Variants in NUDT13 observed in about 807,000 individuals in gnomAD.
NUDT13 encodes the protein nudix hydrolase 13, also known as NAD(P)H pyrophosphatase NUDT13, mitochondrial.
NUDT13 carries 40 observed loss-of-function variants against 41.7 expected under a neutral mutation model. The ratio of observed to expected loss-of-function variants is 0.96; its 90% confidence interval spans 0.75 to 1.25. NUDT13 has a LOEUF of 1.25. Ranked by LOEUF, NUDT13 falls within the 50% of genes most tolerant of loss-of-function variation. The pLI is 0.00. For missense variants in NUDT13, 390 were observed against 416.1 expected (o/e 0.94, Z 0.55); for synonymous variants, 145 against 155.5 (o/e 0.93, Z 0.50).
At chr10:73,116,842 T>TAGA (rs1184472439) in intron 2 of NUDT13, among the ~76,000 whole-genome samples, 1 of 151,698 alleles carries the variant, frequency 6.6e-6, no homozygotes, top group Non-Finnish European at 1.5e-5. Flanking sequence ...GTTGGACATT[T>TAGA]AGATTGCGTG....
chr10:73,126,512 G>T, intron 7 of NUDT13, 161 bp from the exon 8 acceptor site: 1 of 713,180 alleles, frequency 1.4e-6, no homozygotes. Flanking sequence ...ACACAGCTCT[G>T]GACCTGATTC....
At chr10:73,120,180 G>A (rs753964581) in intron 3 of NUDT13, 23 bp downstream of exon 3, 1 of 1,608,798 alleles carries the variant, frequency 6.2e-7, no homozygotes, top group Non-Finnish European at 8.5e-7. Flanking sequence ...TGGACCAGTG[G>A]CGTTGACCAG....
rs1472007980 is a variant in NUDT13 at position 73,125,492 on chromosome 10, C to A, written c.686C>A (p.Ala229Glu). 2.5e-6 allele frequency: 4 copies of A among 1,600,630 alleles called. No homozygotes were observed. Among genetic ancestry groups the A allele is most frequent in the Non-Finnish European group, 3.4e-6 (4 of 1,173,794 alleles). Residue 229 changes from alanine to glutamate, a missense_variant, in exon 7 of 9, where the codon GCA (alanine) becomes GAA (glutamate). Ala to Glu is a moderately radical substitution (Grantham distance 107, BLOSUM62 -1). Transcript: ENST00000357321. ...CCCAAGGGAATGTATTCTGCCTTGG[C>A]AGGTTTTTGTGATATAGGTGAGGAG... Reference protein sequence around the residue: ...SFPKGMYSALAGFCDIGESVE... With the variant: ...SFPKGMYSALEGFCDIGESVE...
chr10:73,115,247 G>A (rs1283267237), intron 2 of NUDT13: 2 of 152,226 alleles, frequency 1.3e-5, no homozygotes, highest in Non-Finnish European at 2.9e-5. Flanking sequence ...TACAATCTTG[G>A]CTCACTGAAG....
Position 73,125,032 on chromosome 10 carries a change from G to A in NUDT13, c.466-86G>A, listed in dbSNP as rs1842735851. ...TAAAGAGATTGGCATTTTTCTGTGA[G>A]TTGTTCCAGACACTAGGCCCAGTGC... is the stretch of plus-strand genomic sequence containing the variant. On this transcript the variant is annotated intron_variant, in intron 5 of 8. Coordinates refer to ENST00000357321, the MANE Select transcript of NUDT13 (RefSeq NM_015901.6). 4.2e-6 allele frequency: 6 copies of A among 1,438,974 alleles called. No individual in the cohort carries two copies. In the South Asian group the frequency reaches 7.8e-5, roughly 19 times the overall value. 89.1% of individuals were successfully genotyped at this position (1,438,974 alleles called of 1,614,324 possible). A position where few individuals can be genotyped will look rare whatever the true frequency, so the allele number is the denominator to read the frequency against.
At position 73,126,665 on chromosome 10, in the gene NUDT13, G is replaced by C. The variant is rs1370207000; in HGVS notation, c.704-8G>C. ...AGGGCTGTCCTGAATTAATCTGAGT[G>C]CTTGTAGGTGAAAGTGTGGAAGAGA... On this transcript the variant is annotated splice_region_variant and splice_polypyrimidine_tract_variant and intron_variant, in intron 7 of 8. Transcript: ENST00000357321. The C allele has an allele frequency of 6.2e-7, 1 of 1,613,842 alleles. No homozygotes were observed. Among genetic ancestry groups the C allele is most frequent in the Non-Finnish European group, 8.5e-7 (1 of 1,179,944 alleles).
At chr10:73,125,877 G>A (rs1842762928) in intron 7 of NUDT13, among the ~76,000 whole-genome samples, 1 of 151,708 alleles carries the variant, frequency 6.6e-6, no homozygotes, top group Admixed American at 6.6e-5. Context: ...GTAGAGACAG[G>A]GTCTCGCCGT....
intron 8 of NUDT13, among the ~76,000 whole-genome samples, chr10:73,127,571 C>T (rs776345261): frequency 3.3e-5 from 5 of 151,086 alleles, no homozygotes; most frequent in Non-Finnish European, 5.9e-5. Context: ...GGCGCGATCT[C>T]GGCTCACTGC....
chr10:73,126,664 T>C lies in NUDT13; in HGVS notation c.704-9T>C, dbSNP rs1842789880. On this transcript the variant is annotated splice_polypyrimidine_tract_variant and intron_variant, in intron 7 of 8. Coordinates refer to ENST00000357321, the MANE Select transcript of NUDT13 (RefSeq NM_015901.6). Reference sequence around the variant, plus strand: ...CAGGGCTGTCCTGAATTAATCTGAGTGCTTGTAGGTGAAAGTGTGGAAGAG... The same window carrying C: ...CAGGGCTGTCCTGAATTAATCTGAGCGCTTGTAGGTGAAAGTGTGGAAGAG... 6.2e-6 allele frequency: 10 copies of C among 1,613,540 alleles called. No homozygotes were observed. Among genetic ancestry groups the C allele is most frequent in the African/African-American group, 1.3e-5 (1 of 74,850 alleles).
At chr10:73,124,874 T>C in intron 5 of NUDT13, 1 of 412,242 alleles carries the variant, frequency 2.4e-6, no homozygotes, top group Non-Finnish European at 4.3e-6. Flanking sequence ...CCTCATATAC[T>C]TCATATGTTT....
At chr10:73,121,027 C>A (rs911834159) in intron 3 of NUDT13, among the ~76,000 whole-genome samples, 9 of 151,958 alleles carry the variant, frequency 5.9e-5, no homozygotes, top group Non-Finnish European at 1.5e-5. Context: ...CTTTTAGAAC[C>A]CTTTTAGCAT....
At chr10:73,112,420 C>CT (rs11301375) in intron 1 of NUDT13, among the ~76,000 whole-genome samples, 20 of 151,300 alleles carry the variant, frequency 1.3e-4, no homozygotes, top group East Asian at 9.7e-4. Flanking sequence ...TGTCTGTGTC[C>CT]TTTTTTTTAT....
intron 5 of NUDT13, chr10:73,124,539 C>T: frequency 2.0e-6 from 1 of 506,904 alleles, no homozygotes. Context: ...TCATTGTCTC[C>T]TAAAGACATG....
chr10:73,127,588 C>T (rs1404611480), intron 8 of NUDT13, among the ~76,000 whole-genome samples: 1 of 151,052 alleles, frequency 6.6e-6, no homozygotes, highest in Non-Finnish European at 1.5e-5. Flanking sequence ...CTGCAACCTC[C>T]GCCTCCTGGG....
intron 2 of NUDT13, among the ~76,000 whole-genome samples, chr10:73,119,185 A>G (rs1842582531): frequency 6.6e-6 from 1 of 151,700 alleles, no homozygotes; most frequent in Non-Finnish European, 1.5e-5. Context: ...AGCTGGGACT[A>G]CAGGTGCGTG....
intron 1 of NUDT13, among the ~76,000 whole-genome samples, chr10:73,111,697 A>G (rs1842371058): frequency 6.6e-6 from 1 of 152,200 alleles, no homozygotes; most frequent in South Asian, 2.1e-4. Context: ...AGCCATGATA[A>G]TCTACAACTG....
intron 7 of NUDT13, among the ~76,000 whole-genome samples, chr10:73,125,886 G>A (rs542168298): frequency 1.6e-4 from 24 of 151,862 alleles, no homozygotes; most frequent in Non-Finnish European, 2.5e-4. Flanking sequence ...GGGTCTCGCC[G>A]TGTTGCCTAG....
intron 8 of NUDT13, chr10:73,130,461 TAAAAA>T (rs10539030): frequency 4.2e-4 from 62 of 147,208 alleles, no homozygotes; most frequent in East Asian, 2.6e-3. Flanking sequence ...AGACTCCGTC[TAAAAA>T]AAAAAAAATA....
chr10:73,118,460 C>T lies in NUDT13; in HGVS notation c.84-1558C>T, dbSNP rs150679324. Among the ~76,000 whole-genome samples, 80 of 152,218 alleles carry T rather than the reference C, an allele frequency of 5.3e-4. 1 individual carries two copies. Among genetic ancestry groups the T allele is most frequent in the African/African-American group, 1.7e-3 (69 of 41,530 alleles). ...CAAAAGAAGCCAGTTTTTACCTGAG[C>T]GTCTGTTTTAGGGCTTTTGACAGGC... On this transcript the variant is annotated intron_variant, in intron 2 of 8. Transcript: ENST00000357321.
Sources: allele counts gnomAD v4.1 joint callset (sites outside exome capture counted in the v4.1 genomes callset), GRCh38; gene constraint gnomAD v4.1.1; transcripts MANE v1.5; gene names NCBI Gene and HGNC (gene_info 2026-07-23, HGNC 2026-07-21).